The following CUX2 variants were observed in gnomAD, a reference collection of about 807,000 sequenced individuals.
The protein encoded by CUX2 is cut like homeobox 2.
CUX2 carries 40 observed loss-of-function variants against 144.8 expected under a neutral mutation model. That is an observed-to-expected ratio of 0.28 (90% confidence interval 0.21 to 0.36). The LOEUF (loss-of-function observed/expected upper bound fraction) is 0.36, where lower values mean the gene tolerates loss of function less well. CUX2 is among the 10% of genes least tolerant of loss of function. CUX2 has a pLI of 1.00. For missense variants in CUX2, 1,615 were observed against 1,994.0 expected (o/e 0.81, Z 3.62); for synonymous variants, 827 against 875.6 (o/e 0.94, Z 0.98).
chr12:111,227,257 G>A (rs1882202214), intron 3 of CUX2, among the ~76,000 whole-genome samples: 1 of 152,212 alleles, frequency 6.6e-6, no homozygotes, highest in African/African-American at 2.4e-5. Flanking sequence ...AATTCCGGGG[G>A]TGAAAGGGTG....
At chr12:111,146,529 A>G (rs544966802) in intron 1 of CUX2, among the ~76,000 whole-genome samples, 1 of 152,320 alleles carries the variant, frequency 6.6e-6, no homozygotes, top group African/African-American at 2.4e-5. Flanking sequence ...ACAGTGGGGA[A>G]AGGGGTTGGG....
At chr12:111,249,035 G>A (rs572534104) in intron 3 of CUX2, among the ~76,000 whole-genome samples, 6 of 152,294 alleles carry the variant, frequency 3.9e-5, no homozygotes, top group South Asian at 4.1e-4. Flanking sequence ...GCATCTGGCC[G>A]TGGACCCACC....
intron 1 of CUX2, among the ~76,000 whole-genome samples, chr12:111,091,395 G>T (rs1248001376): frequency 6.6e-6 from 1 of 152,156 alleles, no homozygotes; most frequent in Non-Finnish European, 1.5e-5. Context: ...GCTGGCGGAG[G>T]TCAAGTGCAA....
intron 1 of CUX2, among the ~76,000 whole-genome samples, chr12:111,213,130 G>A (rs746093430): frequency 4.6e-5 from 7 of 152,150 alleles, no homozygotes; most frequent in Non-Finnish European, 7.3e-5. Flanking sequence ...TTGCATCACC[G>A]GATTTAGGAA....
chr12:111,205,813 A>G (rs1310591813), intron 1 of CUX2, among the ~76,000 whole-genome samples: 4 of 152,186 alleles, frequency 2.6e-5, no homozygotes, highest in South Asian at 2.1e-4. Flanking sequence ...GAACCATGTC[A>G]CTGTTTCCCA....
chr12:111,116,801 C>CTGGAAGGA, intron 1 of CUX2, among the ~76,000 whole-genome samples: 1 of 152,212 alleles, frequency 6.6e-6, no homozygotes, highest in African/African-American at 2.4e-5. Flanking sequence ...CTAACTTTAT[C>CTGGAAGGA]ACAACCAGAG....
intron 21 of CUX2, among the ~76,000 whole-genome samples, chr12:111,344,218 C>T (rs115979284): frequency 0.013 from 1,915 of 152,206 alleles, 43 homozygotes; most frequent in African/African-American, 0.044. Flanking sequence ...CTGAGCACTC[C>T]GTTATTATCC....
intron 18 of CUX2, among the ~76,000 whole-genome samples, chr12:111,326,575 G>C (rs1416520066): frequency 6.6e-6 from 1 of 151,906 alleles, no homozygotes; most frequent in East Asian, 1.9e-4. Flanking sequence ...CTGGTCTGTG[G>C]TGTTAGGTTT....
At chr12:111,308,606 C>T (rs1462100168) in intron 14 of CUX2, 80 bp downstream of exon 14, 13 of 1,168,440 alleles carry the variant, frequency 1.1e-5, no homozygotes, top group Non-Finnish European at 1.6e-5. Context: ...TGCCCAAGGA[C>T]CACTGCCTTC....
intron 1 of CUX2, among the ~76,000 whole-genome samples, chr12:111,126,042 C>T (rs927087923): frequency 3.0e-5 from 4 of 133,158 alleles, no homozygotes; most frequent in Admixed American, 1.4e-4. Context: ...GGGGTGGTGG[C>T]GTGGGGGGGG....
At position 111,322,810 on chromosome 12, in the gene CUX2, G is replaced by A. The variant is rs746472660; in HGVS notation, c.2926+230G>A. ...AGAGGGAGGCTTCTAGAAGCTGCACGCCTGATGCACTGGGTCCTGGCTTTA... is the reference window on the plus strand; with the variant it reads ...AGAGGGAGGCTTCTAGAAGCTGCACACCTGATGCACTGGGTCCTGGCTTTA... On this transcript the variant is annotated intron_variant, in intron 18 of 21. Coordinates refer to ENST00000261726, the MANE Select transcript of CUX2 (RefSeq NM_015267.4). The surrounding 1 kb of genome is among the most constrained non-coding windows in gnomAD (Gnocchi z 4.2). Among the ~76,000 whole-genome samples the A allele has an allele frequency of 6.6e-6, 1 of 152,330 alleles. No individual in the cohort carries two copies. Among genetic ancestry groups the A allele is most frequent in the Middle Eastern group, 3.4e-3 (1 of 294 alleles).
intron 9 of CUX2, among the ~76,000 whole-genome samples, chr12:111,300,482 C>T (rs543422624): frequency 2.0e-5 from 3 of 152,232 alleles, no homozygotes; most frequent in South Asian, 2.1e-4. Context: ...TACTTTTCCC[C>T]GTCTATATCT....
At chr12:111,056,108 TC>T (rs1426032696) in intron 1 of CUX2, among the ~76,000 whole-genome samples, 15 of 152,200 alleles carry the variant, frequency 9.9e-5, no homozygotes, top group Non-Finnish European at 2.9e-5. Context: ...CTTTGGGTGT[TC>T]TTGTCACTGG....
intron 1 of CUX2, among the ~76,000 whole-genome samples, chr12:111,176,988 C>T (rs1878894583): frequency 6.6e-6 from 1 of 152,178 alleles, no homozygotes; most frequent in African/African-American, 2.4e-5. Context: ...CCACTAGACG[C>T]CAGTAGTACA....
At position 111,277,457 on chromosome 12, in the gene CUX2, CCT is replaced by C. The variant is rs1884935268; in HGVS notation, c.301+13619_301+13620del. Reference sequence around the variant, plus strand: ...GTCTAGTATACTCCCCCGCGACCCCCCTGCTAGCTGCCTCATTAGGGCTCCGC... The same window carrying C: ...GTCTAGTATACTCCCCCGCGACCCCCGCTAGCTGCCTCATTAGGGCTCCGC... On this transcript the variant is annotated intron_variant, in intron 4 of 21. Coordinates refer to ENST00000261726, the MANE Select transcript of CUX2 (RefSeq NM_015267.4). The surrounding 1 kb of genome is among the most constrained non-coding windows in gnomAD (Gnocchi z 5.0). Among the ~76,000 whole-genome samples the C allele has an allele frequency of 6.6e-6, 1 of 152,074 alleles. No individual in the cohort carries two copies. Among genetic ancestry groups the C allele is most frequent in the Admixed American group, 6.6e-5 (1 of 15,258 alleles).
At chr12:111,159,326 TTTC>T (rs200718364) in intron 1 of CUX2, among the ~76,000 whole-genome samples, 16 of 129,764 alleles carry the variant, frequency 1.2e-4, no homozygotes, top group African/African-American at 4.0e-4. Context: ...TTTTTTTTTT[TTTC>T]CTAGAGAGAG....
At chr12:111,193,831 G>A (rs1880055625) in intron 1 of CUX2, among the ~76,000 whole-genome samples, 1 of 152,216 alleles carries the variant, frequency 6.6e-6, no homozygotes. Flanking sequence ...GCAGACAGGT[G>A]CCCCTCTGGG....
chr12:111,076,985 A>C (rs1227618219), intron 1 of CUX2, among the ~76,000 whole-genome samples: 1 of 152,228 alleles, frequency 6.6e-6, no homozygotes, highest in Non-Finnish European at 1.5e-5. Flanking sequence ...CTGGACACAT[A>C]AACGGCCAAA....
At position 111,171,459 on chromosome 12, in the gene CUX2, G is replaced by C. The variant is rs560903862; in HGVS notation, c.64-42741G>C. Among the ~76,000 whole-genome samples, 3 of 152,310 alleles carry C rather than the reference G, an allele frequency of 2.0e-5. No homozygotes were observed. Among genetic ancestry groups the C allele is most frequent in the African/African-American group, 7.2e-5 (3 of 41,562 alleles). On this transcript the variant is annotated intron_variant, in intron 1 of 21. Transcript: ENST00000261726. The surrounding 1 kb of genome is among the most constrained non-coding windows in gnomAD (Gnocchi z 5.0). The stretch of plus-strand genomic sequence containing the variant: ...CACCAGTGGGAGTGGGTCTCTCTCT[G>C]ACCCAATGCAAGCAGCCCGGAGACA...
Sources: allele counts gnomAD v4.1 joint callset (sites outside exome capture counted in the v4.1 genomes callset), GRCh38; gene constraint gnomAD v4.1.1; non-coding constraint Gnocchi (gnomAD v3.1); transcripts MANE v1.5; gene names NCBI Gene and HGNC (gene_info 2026-07-23, HGNC 2026-07-21).